UTS2B: variants seen among roughly 807,000 people sequenced by gnomAD.
UTS2B encodes urotensin-2B.
Under a neutral mutation model 19.2 loss-of-function variants are expected in UTS2B, and 21 were observed. The observed-to-expected ratio is 1.09, with a 90% confidence interval of 0.78 to 1.58. The LOEUF is 1.58. Among genes scored for constraint, UTS2B ranks in the 40% most tolerant of loss-of-function variants. The pLI is 0.00. For missense variants in UTS2B, 138 were observed against 130.3 expected, an observed-to-expected ratio of 1.06 and a Z score of -0.29; for synonymous variants, 57 against 50.2, an observed-to-expected ratio of 1.14 and a Z score of -0.58.
intron 2 of UTS2B, among the ~76,000 whole-genome samples, chr3:191,321,451 T>C (rs1406934991): frequency 2.0e-5 from 3 of 152,364 alleles, no homozygotes; most frequent in East Asian, 1.9e-4. Context: ...TGTGGAGATA[T>C]ATGAATTGCC....
the UTS2B span, among the ~76,000 whole-genome samples, chr3:191,337,667 T>C: frequency 6.6e-6 from 1 of 151,840 alleles, no homozygotes; most frequent in East Asian, 1.9e-4. Flanking sequence ...GAAAAAAAAA[T>C]TACACTCCGG....
chr3:191,327,557 G>A (rs1717777595), intron 2 of UTS2B, among the ~76,000 whole-genome samples: 1 of 152,170 alleles, frequency 6.6e-6, no homozygotes, highest in Non-Finnish European at 1.5e-5. Context: ...CCTCTACACA[G>A]GCCCTGTAGT....
intron 4 of UTS2B, among the ~76,000 whole-genome samples, chr3:191,291,903 T>C (rs980580262): frequency 6.6e-6 from 1 of 152,322 alleles, no homozygotes; most frequent in Admixed American, 6.5e-5. Context: ...TAGCTTGTCA[T>C]AGATGTATGG....
chr3:191,287,136 G>A (rs1442578514), intron 4 of UTS2B, among the ~76,000 whole-genome samples: 1 of 151,958 alleles, frequency 6.6e-6, no homozygotes, highest in Non-Finnish European at 1.5e-5. Context: ...TCAAAGAAAA[G>A]CCCAGAAAAA....
At chr3:191,307,047 G>C (rs1717159172) in intron 3 of UTS2B, among the ~76,000 whole-genome samples, 1 of 152,196 alleles carries the variant, frequency 6.6e-6, no homozygotes, top group Non-Finnish European at 1.5e-5. Context: ...ACAGGAATGA[G>C]AGTACAGCCC....
chr3:191,272,510 G>C (rs1716117851), intron 8 of UTS2B, among the ~76,000 whole-genome samples: 1 of 152,136 alleles, frequency 6.6e-6, no homozygotes, highest in Non-Finnish European at 1.5e-5. Context: ...TTTGCTAATT[G>C]TTGGATATGT....
chr3:191,297,414 T>C lies in UTS2B; in HGVS notation c.-125+7078A>G, dbSNP rs376039671. On this transcript the variant is annotated intron_variant, in intron 4 of 8. Transcript: ENST00000340524. ...CACACAATTCCCCTTGTCTAGAAGA[T>C]CTTTATACTTCATTTAGCCTACCTG... is the stretch of plus-strand genomic sequence containing the variant. 2.4e-4 allele frequency among the ~76,000 whole-genome samples: 37 copies of C among 152,328 alleles called. 1 individual carries two copies. Among genetic ancestry groups the C allele is most frequent in the Admixed American group, 1.2e-3 (19 of 15,304 alleles).
At chr3:191,281,203 G>T (rs1401280359) in intron 5 of UTS2B, among the ~76,000 whole-genome samples, 1 of 152,136 alleles carries the variant, frequency 6.6e-6, no homozygotes, top group African/African-American at 2.4e-5. Flanking sequence ...AGTAAGCTGA[G>T]AGGAAAAGGT....
intron 8 of UTS2B, among the ~76,000 whole-genome samples, chr3:191,269,410 C>T (rs766247822): frequency 1.3e-5 from 2 of 152,156 alleles, no homozygotes; most frequent in Non-Finnish European, 2.9e-5. Flanking sequence ...CCTTAGAAGC[C>T]ACATTCAAAC....
chr3:191,335,770 C>G, the UTS2B span, among the ~76,000 whole-genome samples: 2 of 152,050 alleles, frequency 1.3e-5, no homozygotes, highest in Non-Finnish European at 2.9e-5. Flanking sequence ...TTTCCTTTTT[C>G]TTTGTCGTTT....
At chr3:191,272,862 T>TAAA (rs35248454) in intron 8 of UTS2B, among the ~76,000 whole-genome samples, 2 of 118,296 alleles carry the variant, frequency 1.7e-5, no homozygotes, top group Admixed American at 8.7e-5. Flanking sequence ...AAACTCCGTC[T>TAAA]AAAAAAAAAA....
chr3:191,334,417 A>G (rs1303404569), upstream of UTS2B, among the ~76,000 whole-genome samples: 1 of 152,170 alleles, frequency 6.6e-6, no homozygotes, highest in Non-Finnish European at 1.5e-5. Flanking sequence ...TACTTAACGG[A>G]CGACTCACAC....
chr3:191,319,891 T>C (rs1393653322), intron 2 of UTS2B, among the ~76,000 whole-genome samples: 3 of 151,628 alleles, frequency 2.0e-5, no homozygotes, highest in African/African-American at 4.8e-5. Flanking sequence ...AGCCACTTTT[T>C]TTTTTTTTAA....
chr3:191,284,906 TCAC>T (rs1716492478), intron 4 of UTS2B, among the ~76,000 whole-genome samples: 1 of 152,096 alleles, frequency 6.6e-6, no homozygotes, highest in Non-Finnish European at 1.5e-5. Flanking sequence ...AAGGAATTCA[TCAC>T]CACCACACCA....
chr3:191,275,573 G>A (rs1035262245), intron 7 of UTS2B, among the ~76,000 whole-genome samples: 3 of 152,066 alleles, frequency 2.0e-5, no homozygotes, highest in South Asian at 2.1e-4. Flanking sequence ...CCAGCTACTC[G>A]GGAGGCTAAG....
intron 1 of UTS2B, among the ~76,000 whole-genome samples, chr3:191,330,154 C>A (rs548249945): frequency 6.6e-6 from 1 of 152,276 alleles, no homozygotes; most frequent in Admixed American, 6.5e-5. Context: ...TGAAACATGA[C>A]TCTTTCCCTC....
intron 8 of UTS2B, among the ~76,000 whole-genome samples, 193 bp downstream of exon 8, chr3:191,275,059 G>A (rs79092153): frequency 6.0e-4 from 92 of 152,238 alleles, no homozygotes; most frequent in African/African-American, 2.0e-3. Flanking sequence ...AACTTGCCCC[G>A]TTGTAAACAC....
At chr3:191,298,371 C>G (rs1180771008) in intron 4 of UTS2B, among the ~76,000 whole-genome samples, 1 of 152,082 alleles carries the variant, frequency 6.6e-6, no homozygotes, top group African/African-American at 2.4e-5. Context: ...AGATTTCCCC[C>G]CTGCTGTTCT....
At chr3:191,279,190 T>A (rs573851784) in intron 5 of UTS2B, among the ~76,000 whole-genome samples, 1 of 152,192 alleles carries the variant, frequency 6.6e-6, no homozygotes, top group African/African-American at 2.4e-5. Flanking sequence ...ATCACAGTTT[T>A]CTACATTAAC....
Sources: gnomAD v4.1 joint callset for allele counts (sites outside exome capture counted in the v4.1 genomes callset) on GRCh38, gnomAD v4.1.1 for gene constraint, MANE v1.5 for transcripts, NCBI Gene and HGNC (gene_info 2026-07-23, HGNC 2026-07-21) for gene names.